SSH2: variants seen among roughly 807,000 people sequenced by gnomAD.
The protein encoded by SSH2 is slingshot protein phosphatase 2, also known as protein phosphatase Slingshot homolog 2.
In SSH2, 37 loss-of-function variants were observed where a neutral mutation model predicts 135.2. The ratio of observed to expected loss-of-function variants is 0.27; its 90% CI spans 0.21 to 0.36. The LOEUF is 0.36. SSH2 is among the 10% of genes least tolerant of loss of function. SSH2 has a pLI of 1.00. For synonymous variants in SSH2, 628 were observed against 646.2 expected (o/e 0.97, Z 0.43); for missense variants, 1,408 against 1,765.3 (o/e 0.80, Z 3.63).
chr17:29,634,697 T>G (rs2150966468), intron 15 of SSH2, among the ~76,000 whole-genome samples: 3 of 150,530 alleles, frequency 2.0e-5, no homozygotes, highest in Middle Eastern at 7.1e-3. Context: ...GGACTACAGG[T>G]GCGCGCCACC....
intron 1 of SSH2, among the ~76,000 whole-genome samples, chr17:29,896,876 G>A (rs945836391): frequency 6.6e-6 from 1 of 151,730 alleles, no homozygotes; most frequent in African/African-American, 2.4e-5. Context: ...GTTCTTCACT[G>A]ACATCTATTT....
intron 3 of SSH2, among the ~76,000 whole-genome samples, chr17:29,712,071 C>T (rs775172615): frequency 2.6e-5 from 4 of 152,182 alleles, no homozygotes; most frequent in Non-Finnish European, 5.9e-5. Flanking sequence ...AAAATGTACA[C>T]TGGTTCCGTC....
chr17:29,689,110 A>G (rs1398693384), intron 5 of SSH2, among the ~76,000 whole-genome samples: 32 of 151,884 alleles, frequency 2.1e-4, no homozygotes, highest in Admixed American at 2.0e-3. Flanking sequence ...GTAGGTTGAG[A>G]TCACGCCACT....
chr17:29,774,147 A>G (rs1460081835), intron 3 of SSH2, among the ~76,000 whole-genome samples: 1 of 152,256 alleles, frequency 6.6e-6, no homozygotes, highest in Non-Finnish European at 1.5e-5. Flanking sequence ...CAGAAGAGAC[A>G]AAAAACAAAA....
intron 1 of SSH2, among the ~76,000 whole-genome samples, chr17:29,850,064 T>A (rs2065527294): frequency 6.9e-6 from 1 of 145,146 alleles, no homozygotes. Flanking sequence ...CCAGGAGACA[T>A]GCCCTACCCA....
intron 3 of SSH2, among the ~76,000 whole-genome samples, chr17:29,772,303 T>C (rs1272727849): frequency 6.6e-6 from 1 of 150,896 alleles, no homozygotes; most frequent in Non-Finnish European, 1.5e-5. Context: ...TGGAGTGCAG[T>C]GGCGTGATCT....
intron 3 of SSH2, among the ~76,000 whole-genome samples, chr17:29,737,057 C>T (rs1193889261): frequency 7.2e-6 from 1 of 139,236 alleles, no homozygotes; most frequent in Non-Finnish European, 1.5e-5. Context: ...CAAGATCGCA[C>T]CACTGCACTC....
At chr17:29,911,375 T>A (rs1021563450) in intron 1 of SSH2, among the ~76,000 whole-genome samples, 1 of 152,092 alleles carries the variant, frequency 6.6e-6, no homozygotes, top group Non-Finnish European at 1.5e-5. Flanking sequence ...TAAGGATAAT[T>A]TTTACTGTAT....
chr17:29,657,155 C>T (rs1358297659), intron 11 of SSH2, among the ~76,000 whole-genome samples: 1 of 151,668 alleles, frequency 6.6e-6, no homozygotes, highest in African/African-American at 2.4e-5. Context: ...TTAGTAGAGA[C>T]AGGGTTTCAC....
At chr17:29,647,279 C>T (rs1023950480) in intron 14 of SSH2, among the ~76,000 whole-genome samples, 1 of 150,478 alleles carries the variant, frequency 6.6e-6, no homozygotes, top group Non-Finnish European at 1.5e-5. Context: ...AAAAAAGAGT[C>T]GGCCAAAGGT....
At chr17:29,910,350 A>T (rs552224291) in intron 1 of SSH2, among the ~76,000 whole-genome samples, 1 of 152,310 alleles carries the variant, frequency 6.6e-6, no homozygotes, top group Admixed American at 6.5e-5. Context: ...CTTTAAGAAA[A>T]GGAAGGCCCT....
chr17:29,652,753 G>A (rs1391286414), intron 12 of SSH2, among the ~76,000 whole-genome samples: 1 of 152,162 alleles, frequency 6.6e-6, no homozygotes, highest in Admixed American at 6.5e-5. Flanking sequence ...CCGCCTCCCC[G>A]TTCAAGCAAT....
intron 1 of SSH2, among the ~76,000 whole-genome samples, chr17:29,908,016 A>G (rs545478825): frequency 6.6e-6 from 1 of 151,544 alleles, no homozygotes; most frequent in African/African-American, 2.4e-5. Flanking sequence ...AGGTCTCACT[A>G]TGTTGCCCAG....
chr17:29,875,109 C>T (rs1371616114), intron 1 of SSH2, among the ~76,000 whole-genome samples: 2 of 152,148 alleles, frequency 1.3e-5, no homozygotes, highest in Non-Finnish European at 2.9e-5. Flanking sequence ...GTATATCACT[C>T]TCTCTAAACT....
chr17:29,794,370 G>A (rs377528069), intron 2 of SSH2, among the ~76,000 whole-genome samples: 2 of 152,144 alleles, frequency 1.3e-5, no homozygotes, highest in African/African-American at 4.8e-5. Context: ...GAGTGCTCAT[G>A]ATCAAATCAC....
At chr17:29,681,909 A>T (rs1477182874) in intron 6 of SSH2, among the ~76,000 whole-genome samples, 2 of 152,216 alleles carry the variant, frequency 1.3e-5, no homozygotes, top group Non-Finnish European at 2.9e-5. Context: ...TGTCCAAGGA[A>T]CTCATTAAAG....
intron 11 of SSH2, among the ~76,000 whole-genome samples, chr17:29,658,404 T>A (rs1300819225): frequency 6.6e-6 from 1 of 151,360 alleles, no homozygotes; most frequent in African/African-American, 2.4e-5. Context: ...GCCTTGAACT[T>A]CTGGCCTCAA....
chr17:29,654,761 T>C (rs1424984561), intron 12 of SSH2, among the ~76,000 whole-genome samples: 2 of 152,198 alleles, frequency 1.3e-5, no homozygotes, highest in African/African-American at 2.4e-5. Flanking sequence ...TAGGGACAGT[T>C]TTCTTAATAT....
chr17:29,930,007 G>A lies in SSH2; in HGVS notation c.-7C>T. 6.3e-7 allele frequency: 1 copy of A among 1,597,088 alleles called. No homozygotes were observed. Among genetic ancestry groups the A allele is most frequent in the Non-Finnish European group, 8.5e-7 (1 of 1,172,378 alleles). Reference sequence around the variant, plus strand: ...GGACCGTGACCAAAGCCATCTAGGCGCTGCTGGGTTGTTCCGGGCAGGGCA... The same window carrying A: ...GGACCGTGACCAAAGCCATCTAGGCACTGCTGGGTTGTTCCGGGCAGGGCA... On this transcript the variant is annotated 5_prime_UTR_variant, in exon 1 of 16. Transcript: ENST00000540801.
Sources: gnomAD v4.1 joint callset for allele counts (sites outside exome capture counted in the v4.1 genomes callset) on GRCh38, gnomAD v4.1.1 for gene constraint, MANE v1.5 for transcripts, NCBI Gene and HGNC (gene_info 2026-07-23, HGNC 2026-07-21) for gene names.